CABIN1: variants seen among roughly 807,000 people sequenced by gnomAD.
CABIN1 encodes calcineurin-binding protein cabin-1.
Under a neutral mutation model 227.7 loss-of-function variants are expected in CABIN1, and 133 were observed. The observed-to-expected ratio is 0.58, with a 90% CI of 0.51 to 0.67. CABIN1 has a LOEUF of 0.67. Among genes scored for constraint, CABIN1 ranks in the 30% least tolerant of loss-of-function variants. The pLI, the probability that CABIN1 is intolerant of heterozygous loss-of-function variation, is 0.00. For synonymous variants in CABIN1, 1,086 were observed against 1,155.1 expected, an observed-to-expected ratio of 0.94 and a Z score of 1.21; for missense variants, 2,408 against 2,852.5, an observed-to-expected ratio of 0.84 and a Z score of 3.55.
At chr22:24,092,450 G>A (rs925679441) in intron 24 of CABIN1, among the ~76,000 whole-genome samples, 2 of 152,154 alleles carry the variant, frequency 1.3e-5, no homozygotes, top group African/African-American at 4.8e-5. Flanking sequence ...GGGCAGCCAC[G>A]ATTGTCAATT....
At chr22:24,091,487 C>A in intron 23 of CABIN1, 96 bp from the exon 24 acceptor site, 1 of 1,499,852 alleles carries the variant, frequency 6.7e-7, no homozygotes, top group Admixed American at 1.7e-5. Context: ...GGAGTATAAA[C>A]TTGCAAATAG....
At chr22:24,170,428 C>T (rs1464745447) in intron 33 of CABIN1, among the ~76,000 whole-genome samples, 1 of 152,236 alleles carries the variant, frequency 6.6e-6, no homozygotes, top group Non-Finnish European at 1.5e-5. Flanking sequence ...CTGAGGCCCG[C>T]TCCTGAGCGA....
At chr22:24,053,282 T>A (rs2038504466) in intron 8 of CABIN1, among the ~76,000 whole-genome samples, 1 of 151,988 alleles carries the variant, frequency 6.6e-6, no homozygotes, top group Non-Finnish European at 1.5e-5. Flanking sequence ...TTCACCGTGT[T>A]AGCCAGGATG....
At chr22:24,135,840 G>C (rs183925629) in intron 29 of CABIN1, among the ~76,000 whole-genome samples, 5 of 152,278 alleles carry the variant, frequency 3.3e-5, no homozygotes, top group African/African-American at 7.2e-5. Context: ...AGGGTACGTG[G>C]GCAGGCAGGT....
At chr22:24,071,118 C>G in intron 17 of CABIN1, 76 bp downstream of exon 17, 2 of 1,591,186 alleles carry the variant, frequency 1.3e-6, no homozygotes, top group Non-Finnish European at 1.7e-6. Flanking sequence ...TTCAGTAGTT[C>G]ATAGCTTTCA....
intron 20 of CABIN1, among the ~76,000 whole-genome samples, chr22:24,083,919 A>G (rs1437864102): frequency 6.6e-6 from 1 of 152,232 alleles, no homozygotes; most frequent in East Asian, 1.9e-4. Flanking sequence ...TGTATTATCT[A>G]ATGGCTCCTC....
chr22:24,095,865 A>G (rs2041861221), intron 24 of CABIN1, 66 bp from the exon 25 acceptor site: 1 of 1,586,746 alleles, frequency 6.3e-7, no homozygotes, highest in African/African-American at 1.3e-5. Context: ...AGTGTGGCTG[A>G]CTGGCCTGTG....
intron 28 of CABIN1, among the ~76,000 whole-genome samples, chr22:24,120,062 TC>T (rs1162311507): frequency 6.6e-6 from 1 of 152,174 alleles, no homozygotes; most frequent in Non-Finnish European, 1.5e-5. Context: ...CATTCACCCA[TC>T]GTCTCAGTGA....
intron 20 of CABIN1, 42 bp downstream of exon 20, chr22:24,083,431 G>C (rs145068328): frequency 1.2e-6 from 2 of 1,609,272 alleles, no homozygotes; most frequent in Middle Eastern, 3.4e-4. Context: ...GGAAGCAGGA[G>C]CTGTAAGCTC....
At chr22:24,028,927 T>A (rs2036293092) in intron 1 of CABIN1, among the ~76,000 whole-genome samples, 1 of 152,200 alleles carries the variant, frequency 6.6e-6, no homozygotes, top group Admixed American at 6.5e-5. Flanking sequence ...TGATTTCCAC[T>A]GAAGAGGTGA....
At chr22:24,069,407 G>A (rs774957407) in intron 16 of CABIN1, among the ~76,000 whole-genome samples, 25 of 152,128 alleles carry the variant, frequency 1.6e-4, no homozygotes, top group Non-Finnish European at 3.2e-4. Flanking sequence ...GCCCCCAGTC[G>A]ATGGTAATTT....
intron 29 of CABIN1, chr22:24,155,929 G>A: frequency 2.0e-6 from 1 of 502,022 alleles, no homozygotes; most frequent in Non-Finnish European, 3.5e-6. Context: ...GCGCTCCTGG[G>A]CCCGCTTCCA....
intron 22 of CABIN1, 113 bp from the exon 23 acceptor site, chr22:24,087,339 G>A (rs958097231): frequency 7.3e-7 from 1 of 1,379,290 alleles, no homozygotes; most frequent in Non-Finnish European, 1.0e-6. Context: ...TCTGAGCCCT[G>A]GTGTGGGAAG....
At chr22:24,100,174 G>A (rs1179588080) in intron 26 of CABIN1, among the ~76,000 whole-genome samples, 2 of 152,220 alleles carry the variant, frequency 1.3e-5, no homozygotes, top group Non-Finnish European at 1.5e-5. Flanking sequence ...AGTGATTCCT[G>A]TCAAAGACAC....
At chr22:24,031,424 G>GAGTCAAGT (rs1653624737) in intron 1 of CABIN1, among the ~76,000 whole-genome samples, 1 of 152,162 alleles carries the variant, frequency 6.6e-6, no homozygotes, top group South Asian at 2.1e-4. Flanking sequence ...AAGGATCAGG[G>GAGTCAAGT]AGTCAAGTAT....
In CABIN1 at chr22:24,127,830, A is replaced by G. The variant is rs889697194; in HGVS notation, c.4633-6472A>G. Among the ~76,000 whole-genome samples, 7 of 151,876 alleles carry G rather than the reference A, an allele frequency of 4.6e-5. No individual in the cohort carries two copies. In the East Asian group the frequency reaches 1.4e-3, roughly 29 times the overall value. On this transcript the variant is annotated intron_variant, in intron 28 of 36. Coordinates refer to ENST00000263119, the MANE Select transcript of CABIN1 (RefSeq NM_012295.4). ...ACTGTATTTAACTTTTCATATATAT[A>G]TATATATGAGTGATCTAGAACAGTT...
At chr22:24,158,011 A>G (rs150867741) in intron 29 of CABIN1, among the ~76,000 whole-genome samples, 4 of 152,280 alleles carry the variant, frequency 2.6e-5, no homozygotes, top group Non-Finnish European at 2.9e-5. Context: ...TGGGATGCCA[A>G]CAGGCTCCCC....
chr22:24,075,302 T>C (rs1032305838), intron 18 of CABIN1, among the ~76,000 whole-genome samples: 2 of 152,258 alleles, frequency 1.3e-5, no homozygotes, highest in Admixed American at 6.5e-5. Flanking sequence ...ATGCTAGTTA[T>C]AAGTCGTTAA....
At chr22:24,161,598 G>T (rs2046157750) in intron 29 of CABIN1, among the ~76,000 whole-genome samples, 1 of 152,146 alleles carries the variant, frequency 6.6e-6, no homozygotes, top group Non-Finnish European at 1.5e-5. Context: ...CAGATGCCGT[G>T]GGGGTGTTGG....
Sources: gnomAD v4.1 joint callset for allele counts (sites outside exome capture counted in the v4.1 genomes callset) on GRCh38, gnomAD v4.1.1 for gene constraint, MANE v1.5 for transcripts, NCBI Gene and HGNC (gene_info 2026-07-23, HGNC 2026-07-21) for gene names.